Variants in TRIM45 observed in about 807,000 individuals in gnomAD.
TRIM45 encodes tripartite motif containing 45, also known as E3 ubiquitin-protein ligase TRIM45.
Under a neutral mutation model 46.7 loss-of-function variants are expected in TRIM45, and 45 were observed. The ratio of observed to expected loss-of-function variants is 0.96; its 90% confidence interval spans 0.76 to 1.24. The LOEUF (loss-of-function observed/expected upper bound fraction) is 1.24. Among genes scored for constraint, TRIM45 ranks in the 50% most tolerant of loss-of-function variants. The probability of loss-of-function intolerance (pLI) is 0.00; values close to 1 mark genes in which losing one functional copy is unlikely to be tolerated. For synonymous variants in TRIM45, 259 were observed against 285.8 expected (o/e 0.91, Z 0.94); for missense variants, 680 against 728.4 (o/e 0.93, Z 0.77).
Position 117,112,272 on chromosome 1 carries a change from GC to G in TRIM45, c.*32del, listed in dbSNP as rs1553202758. 5.9e-6 allele frequency: 9 copies of G among 1,516,084 alleles called. No homozygotes were observed. Among genetic ancestry groups the G allele is most frequent in the Non-Finnish European group, 8.0e-6 (9 of 1,129,460 alleles). The allele number at this position is 1,516,084 out of a possible 1,614,324, so 93.9% of individuals were successfully genotyped here. A position where few individuals can be genotyped will look rare whatever the true frequency, so the allele number is the denominator to read the frequency against. ...TCCTCTGGAAATCTCAAGTGGTGCT[GC>G]CTGCAGCTTTAAAAGGCTGAGCACA... On this transcript the variant is annotated 3_prime_UTR_variant, in exon 6 of 6. Transcript: ENST00000256649.
At chr1:117,121,771 C>G, upstream of TRIM45, 1 of 705,154 alleles carries the variant, frequency 1.4e-6, no homozygotes. The surrounding 1 kb of genome is among the most constrained non-coding windows in gnomAD (Gnocchi z 4.2). Context: ...CCAATCCCAG[C>G]CCGGTCTACT....
rs775404733 is a variant in TRIM45, at chr1:117,121,052, G to GT, written c.149_150insA (p.Thr51HisfsTer20). The GT allele has an allele frequency of 6.2e-7, 1 of 1,614,144 alleles. No homozygotes were observed. The stretch of plus-strand genomic sequence containing the variant: ...AGGGCTCCAGCTGCTCCAGACACGT[G>GT]GTGCAAACTGTATGCAAACAAGGCA... On this transcript the variant is annotated frameshift_variant, in exon 1 of 6. Coordinates refer to ENST00000256649, the MANE Select transcript of TRIM45 (RefSeq NM_025188.4). LOFTEE classifies it high-confidence loss of function. This position sits in a 1 kb window ranked among gnomAD's most constrained non-coding sequence, Gnocchi z 4.2.
In TRIM45 at chr1:117,115,130, A is replaced by AT. The variant is rs1650349981; in HGVS notation, c.1467+444_1467+445insA. On this transcript the variant is annotated intron_variant, in intron 4 of 5. Coordinates refer to ENST00000256649, the MANE Select transcript of TRIM45 (RefSeq NM_025188.4). This position sits in a 1 kb window ranked among gnomAD's most constrained non-coding sequence, Gnocchi z 4.2. Reference sequence around the variant, plus strand: ...AAACAGAGTAGAAAATTACATGAGCAGATGGTTAGGCAGATAGATGACTAG... The same window carrying AT: ...AAACAGAGTAGAAAATTACATGAGCATGATGGTTAGGCAGATAGATGACTAG... 6.6e-6 allele frequency among the ~76,000 whole-genome samples: 1 copy of AT among 152,258 alleles called. No homozygotes were observed. The highest frequency in any genetic ancestry group is 2.4e-5 in the African/African-American group (1 of 41,470).
Position 117,115,453 on chromosome 1 carries a change from TGAA to T in TRIM45, c.1467+119_1467+121del, listed in dbSNP as rs1362058600. On this transcript the variant is annotated intron_variant, in intron 4 of 5. Coordinates refer to ENST00000256649, the MANE Select transcript of TRIM45 (RefSeq NM_025188.4). This position sits in a 1 kb window ranked among gnomAD's most constrained non-coding sequence, Gnocchi z 4.2. ...AGCAAAATCTGGGCTGTTTCTAAAG[TGAA>T]GAAGAAGACATGGGGATTCTATTCA... 60 of 714,114 alleles carry T rather than the reference TGAA, an allele frequency of 8.4e-5. No homozygotes were observed. In the African/African-American group the frequency reaches 9.2e-4, roughly 11 times the overall value. The allele number at this position is 714,114 out of a possible 1,614,324, so 44.2% of individuals were successfully genotyped here. A position where few individuals can be genotyped will look rare whatever the true frequency, so the allele number is the denominator to read the frequency against.
Position 117,116,630 on chromosome 1 carries a change from T to C in TRIM45, c.1338A>G (p.Lys446=), listed in dbSNP as rs1228058672. The C allele has an allele frequency of 6.2e-7, 1 of 1,613,856 alleles. No homozygotes were observed. Among genetic ancestry groups the C allele is most frequent in the South Asian group, 1.1e-5 (1 of 91,062 alleles). The part of the protein sequence containing the change: ...GDNVQVAVVP[K]DKKDSPVRTM... ...GTCATACAAACCTGTCTTTCTTATC[T>C]TTAGGGACAACGGCAACTTGAACGT... The change falls in exon 3 of 6, where the codon AAA becomes AAG. Residue 446 remains lysine, a synonymous_variant. Coordinates refer to ENST00000256649, the MANE Select transcript of TRIM45 (RefSeq NM_025188.4). This position sits in a 1 kb window ranked among gnomAD's most constrained non-coding sequence, Gnocchi z 4.6.
At position 117,113,200 on chromosome 1, in the gene TRIM45, G is replaced by T. The variant is rs1373631088; in HGVS notation, c.1594+159C>A. Among the ~76,000 whole-genome samples, 2 of 152,242 alleles carry T rather than the reference G, an allele frequency of 1.3e-5. No individual in the cohort carries two copies. The highest frequency in any genetic ancestry group is 4.8e-5 in the African/African-American group (2 of 41,460). ...TCAATTCAGAACAAGGAAGCTTTAA[G>T]TGACACTTTTAGAACAGTGGTGTCT... On this transcript the variant is annotated intron_variant, in intron 5 of 5. Transcript: ENST00000256649. The surrounding 1 kb of genome is among the most constrained non-coding windows in gnomAD (Gnocchi z 4.0).
chr1:117,116,426 A>AC lies in TRIM45; in HGVS notation c.1352+189dup, dbSNP rs773802198. On this transcript the variant is annotated intron_variant, in intron 3 of 5. Transcript: ENST00000256649. This position sits in a 1 kb window ranked among gnomAD's most constrained non-coding sequence, Gnocchi z 4.6. The stretch of plus-strand genomic sequence containing the variant: ...TTTTTTTTTTTTTAATTTTGTAGAG[A>AC]CAGGGTGTCCCTATGTTGCCCAGGC... 6.6e-6 allele frequency among the ~76,000 whole-genome samples: 1 copy of AC among 151,046 alleles called. No homozygotes were observed. Among genetic ancestry groups the AC allele is most frequent in the Non-Finnish European group, 1.5e-5 (1 of 67,768 alleles).
intron 1 of TRIM45, among the ~76,000 whole-genome samples, chr1:117,119,522 G>A (rs1029905173): frequency 4.6e-5 from 7 of 151,896 alleles, no homozygotes; most frequent in Admixed American, 1.3e-4. Context: ...CAGGAGAATC[G>A]CTTGAACCTA....
chr1:117,119,008 G>A (rs1394268798), intron 1 of TRIM45, among the ~76,000 whole-genome samples: 1 of 152,228 alleles, frequency 6.6e-6, no homozygotes, highest in Non-Finnish European at 1.5e-5. Context: ...GCTCTGGCTG[G>A]CTACATGCCT....
In TRIM45 at chr1:117,116,552, G is replaced by T. The variant is rs1432628362; in HGVS notation, c.1352+64C>A. The T allele has an allele frequency of 9.4e-6, 15 of 1,591,276 alleles. No homozygotes were observed. In the South Asian group the frequency reaches 1.0e-4, roughly 11 times the overall value. ...CTGTGCCCAGCTCCAATATCTTAAA[G>T]GACCTCATGTTTCCAGTTTTCTCAC... On this transcript the variant is annotated intron_variant, in intron 3 of 5. Transcript: ENST00000256649. The surrounding 1 kb of genome is among the most constrained non-coding windows in gnomAD (Gnocchi z 4.6).
At position 117,118,734 on chromosome 1, in the gene TRIM45, C is replaced by T. The variant is rs757455506; in HGVS notation, c.522G>A (p.Val174=). Residue 174 remains valine, a synonymous_variant, in exon 2 of 6, where the codon GTG becomes GTA. Transcript: ENST00000256649. This position sits in a 1 kb window ranked among gnomAD's most constrained non-coding sequence, Gnocchi z 5.7. Reference sequence around the variant, plus strand: ...TGTAGCCTTTCAAGTCTTTTAGGTCCACCATGGTGTGGTAAGTCGTTTTCT... The same window carrying T: ...TGTAGCCTTTCAAGTCTTTTAGGTCTACCATGGTGTGGTAAGTCGTTTTCT... ...RQKKTTYHTM[V]DLKDLKGYSR... 17 of 1,613,200 alleles carry T rather than the reference C, an allele frequency of 1.1e-5. No homozygotes were observed. The highest frequency in any genetic ancestry group is 1.2e-5 in the Non-Finnish European group (14 of 1,179,948).
chr1:117,118,479 G>T lies in TRIM45; in HGVS notation c.777C>A (p.Ile259=), dbSNP rs754263666. 10 of 1,613,984 alleles carry T rather than the reference G, an allele frequency of 6.2e-6. No homozygotes were observed. Among genetic ancestry groups the T allele is most frequent in the Non-Finnish European group, 7.6e-6 (9 of 1,180,028 alleles). The change falls in exon 2 of 6, where the codon ATC becomes ATA. Residue 259 remains isoleucine, a synonymous_variant. Transcript: ENST00000256649. The surrounding 1 kb of genome is among the most constrained non-coding windows in gnomAD (Gnocchi z 5.7). The stretch of plus-strand genomic sequence containing the variant: ...TCTGGAGGGCACTGTTTATTATGTG[G>T]ATCTGAGCCAGGGCTTCCTCCAGGG... ...VEALEEALAQ[I]HIINSALQKR... is the part of the protein sequence containing the mutation.
Position 117,117,926 on chromosome 1 carries a change from G to A in TRIM45, c.1222+108C>T, listed in dbSNP as rs1650462641. 8 of 1,410,814 alleles carry A rather than the reference G, an allele frequency of 5.7e-6. No individual in the cohort carries two copies. The highest frequency in any genetic ancestry group is 7.7e-6 in the Non-Finnish European group (8 of 1,036,544). The allele number at this position is 1,410,814 out of a possible 1,614,324, so 87.4% of individuals were successfully genotyped here. ...CAGATCAGTTTATCTCCCCACCTTT[G>A]GTAACCTGGTCAGTAGGGCATGCTT... On this transcript the variant is annotated intron_variant, in intron 2 of 5. Coordinates refer to ENST00000256649, the MANE Select transcript of TRIM45 (RefSeq NM_025188.4). This position sits in a 1 kb window ranked among gnomAD's most constrained non-coding sequence, Gnocchi z 4.9.
In TRIM45 at chr1:117,113,325, CAG is replaced by C. The variant is rs1169891093; in HGVS notation, c.1594+32_1594+33del. On this transcript the variant is annotated intron_variant, in intron 5 of 5. Transcript: ENST00000256649. The surrounding 1 kb of genome is among the most constrained non-coding windows in gnomAD (Gnocchi z 4.0). ...CCCGTCGCTTGATTCCCACTGCTGG[CAG>C]AAAGGCCCAGAGGGTAGTGCTTTCT... 6.2e-7 allele frequency: 1 copy of C among 1,605,778 alleles called. No individual in the cohort carries two copies. The highest frequency in any genetic ancestry group is 2.2e-5 in the East Asian group (1 of 44,754).
At position 117,118,461 on chromosome 1, in the gene TRIM45, G is replaced by A. The variant is rs756625952; in HGVS notation, c.795C>T (p.Ala265=). The A allele has an allele frequency of 8.7e-6, 14 of 1,613,946 alleles. No individual in the cohort carries two copies. In the Admixed American group the frequency reaches 2.2e-4, roughly 25 times the overall value. The part of the protein sequence containing the change: ...ALAQIHIINS[A]LQKRVEAVAA... ...CCACTGCCTCCACTCGCTTCTGGAG[G>A]GCACTGTTTATTATGTGGATCTGAG... Residue 265 remains alanine, a synonymous_variant, in exon 2 of 6, where the codon GCC becomes GCT. Transcript: ENST00000256649. This position sits in a 1 kb window ranked among gnomAD's most constrained non-coding sequence, Gnocchi z 5.7.
At chr1:117,120,643 C>A in intron 1 of TRIM45, 71 bp downstream of exon 1, 1 of 1,519,326 alleles carries the variant, frequency 6.6e-7, no homozygotes, top group Non-Finnish European at 8.8e-7. Context: ...ATCTGCTCAC[C>A]GAGGGATTTG....
chr1:117,122,044 C>T (rs1557850253), upstream of TRIM45: 1 of 498,638 alleles, frequency 2.0e-6, no homozygotes, highest in African/African-American at 2.0e-5. Context: ...GTCCCTCTCT[C>T]TGTGGTGACC....
chr1:117,120,161 G>T (rs1381362392), intron 1 of TRIM45, among the ~76,000 whole-genome samples: 1 of 152,168 alleles, frequency 6.6e-6, no homozygotes, highest in Non-Finnish European at 1.5e-5. Flanking sequence ...CAAAAGCTGA[G>T]GTCCGGCCAA....
rs1650506093 is a variant in TRIM45 at position 117,118,686 on chromosome 1, C to T, written c.570G>A (p.Leu190=). ...GTTCCTCTGCAGGGTGAACAGGACA[C>T]AGGATGGGCTTCCCAATCCGGCTGT... The part of the protein sequence containing the change: ...KGYSRIGKPI[L]CPVHPAEELR... The change falls in exon 2 of 6, where the codon CTG becomes CTA. Residue 190 remains leucine, a synonymous_variant. Coordinates refer to ENST00000256649, the MANE Select transcript of TRIM45 (RefSeq NM_025188.4). The surrounding 1 kb of genome is among the most constrained non-coding windows in gnomAD (Gnocchi z 5.7). The T allele has an allele frequency of 6.2e-7, 1 of 1,613,772 alleles. No individual in the cohort carries two copies. The highest frequency in any genetic ancestry group is 1.3e-5 in the African/African-American group (1 of 74,946).
Sources: allele counts gnomAD v4.1 joint callset (sites outside exome capture counted in the v4.1 genomes callset), GRCh38; gene constraint gnomAD v4.1.1; non-coding constraint Gnocchi (gnomAD v3.1); transcripts MANE v1.5; gene names NCBI Gene and HGNC (gene_info 2026-07-23, HGNC 2026-07-21).